The following KIF26B variants were observed in gnomAD, a reference collection of about 807,000 sequenced individuals.
KIF26B encodes the protein kinesin family member 26B.
A neutral mutation model predicts 151.2 loss-of-function variants in KIF26B; 63 were observed. The ratio of observed to expected loss-of-function variants is 0.42; its 90% CI spans 0.34 to 0.51. KIF26B has a LOEUF of 0.51. Ranked by LOEUF, KIF26B falls within the 20% of genes least tolerant of loss-of-function variation. KIF26B has a pLI of 0.07. For missense variants in KIF26B, 2,813 were observed against 2,913.6 expected (o/e 0.97, Z 0.79); for synonymous variants, 1,357 against 1,262.1 (o/e 1.08, Z -1.59).
intron 9 of KIF26B, among the ~76,000 whole-genome samples, chr1:245,624,212 C>T (rs1263692089): frequency 1.3e-5 from 2 of 150,590 alleles, no homozygotes; most frequent in African/African-American, 4.9e-5. Context: ...TATATATGGA[C>T]ATATATTTTC....
In KIF26B at chr1:245,612,099, T is replaced by TGAGAGAGA. The variant is rs1256677244; in HGVS notation, c.2098+124_2098+125insAGAGAGAG. The stretch of plus-strand genomic sequence containing the variant: ...GTGTGTGTGTGTGTGTGTGTGTGTG[T>TGAGAGAGA]GTGTGTGAGAGAGAGAGAGAGAGAG... On this transcript the variant is annotated intron_variant, in intron 9 of 14. Coordinates refer to ENST00000407071, the MANE Select transcript of KIF26B (RefSeq NM_018012.4). 39 of 589,532 alleles carry TGAGAGAGA rather than the reference T, an allele frequency of 6.6e-5. No individual in the cohort carries two copies. In the East Asian group the frequency reaches 8.4e-4, roughly 13 times the overall value. 36.5% of individuals were successfully genotyped at this position (589,532 alleles called of 1,614,324 possible). A position where few individuals can be genotyped will look rare whatever the true frequency, so the allele number is the denominator to read the frequency against.
chr1:245,424,628 G>A (rs1658577243), intron 4 of KIF26B, among the ~76,000 whole-genome samples: 1 of 152,188 alleles, frequency 6.6e-6, no homozygotes, highest in Admixed American at 6.5e-5. Flanking sequence ...GGTCTGTGCT[G>A]GTCCACACAC....
intron 9 of KIF26B, among the ~76,000 whole-genome samples, chr1:245,645,250 C>T (rs1401743109): frequency 5.3e-5 from 8 of 152,016 alleles, no homozygotes; most frequent in African/African-American, 9.7e-5. Context: ...TGGGGGTGGA[C>T]GACACATCTC....
intron 2 of KIF26B, among the ~76,000 whole-genome samples, chr1:245,310,739 C>G (rs1442499406): frequency 6.6e-6 from 1 of 152,138 alleles, no homozygotes; most frequent in Non-Finnish European, 1.5e-5. Flanking sequence ...GCAGCAGCAA[C>G]GCGGGACGAT....
Position 245,687,738 on chromosome 1 carries a change from G to T in KIF26B, c.4755G>T (p.Lys1585Asn). 1 of 1,578,114 alleles carries T rather than the reference G, an allele frequency of 6.3e-7. No individual in the cohort carries two copies. Among genetic ancestry groups the T allele is most frequent in the African/African-American group, 1.4e-5 (1 of 73,978 alleles). Reference sequence around the variant, plus strand: ...TGGAGGGGAAGGTGGCTTCCCCCAAGCACTGTGTTCTGGCTCGGCCCAAAG... The same window carrying T: ...TGGAGGGGAAGGTGGCTTCCCCCAATCACTGTGTTCTGGCTCGGCCCAAAG... ...ATLEGKVASP[K>N]HCVLARPKGT... The change falls in exon 12 of 15, where the codon AAG becomes AAT. Residue 1585 changes from lysine (K) to asparagine (N), a missense_variant. Physicochemically the swap from Lys to Asn is moderately conservative, Grantham distance 94. Around this residue, in one of 3 missense-constraint regions of KIF26B, gnomAD observed 2,060 missense variants for 2,088.6 expected, o/e 0.99. Transcript: ENST00000407071. This position sits in a 1 kb window ranked among gnomAD's most constrained non-coding sequence, Gnocchi z 4.9.
chr1:245,204,423 G>T (rs1669359704), intron 2 of KIF26B, among the ~76,000 whole-genome samples: 1 of 151,672 alleles, frequency 6.6e-6, no homozygotes, highest in African/African-American at 2.4e-5. Flanking sequence ...ACCCAGGCTG[G>T]CATGCAGTGG....
intron 5 of KIF26B, among the ~76,000 whole-genome samples, chr1:245,562,293 C>T (rs1337742497): frequency 6.6e-6 from 1 of 152,046 alleles, no homozygotes; most frequent in East Asian, 1.9e-4. Context: ...GACAGGCAGA[C>T]TCTTCAAAAA....
At chr1:245,280,599 T>A (rs866493774) in intron 2 of KIF26B, among the ~76,000 whole-genome samples, 1 of 103,546 alleles carries the variant, frequency 9.7e-6, no homozygotes, top group Non-Finnish European at 1.9e-5. Context: ...AAGTTTTCGT[T>A]TTTTTTTTTT....
intron 4 of KIF26B, among the ~76,000 whole-genome samples, chr1:245,428,282 T>C (rs1181237635): frequency 1.3e-5 from 2 of 152,200 alleles, no homozygotes; most frequent in Non-Finnish European, 2.9e-5. Flanking sequence ...TTAGGAATCA[T>C]AGTTCTATGA....
At chr1:245,632,956 T>G (rs1359699024) in intron 9 of KIF26B, among the ~76,000 whole-genome samples, 1 of 152,192 alleles carries the variant, frequency 6.6e-6, no homozygotes, top group African/African-American at 2.4e-5. Flanking sequence ...CAACTATTAC[T>G]GCATTGGGGT....
chr1:245,586,840 T>C (rs1259178957), intron 5 of KIF26B, among the ~76,000 whole-genome samples: 2 of 148,800 alleles, frequency 1.3e-5, no homozygotes, highest in African/African-American at 5.0e-5. Context: ...GAGCCGAGAT[T>C]GCGCCACTGC....
Position 245,606,612 on chromosome 1 carries a change from T to C in KIF26B, c.1558-1039T>C, listed in dbSNP as rs114632997. Among the ~76,000 whole-genome samples, 572 of 152,272 alleles carry C rather than the reference T, an allele frequency of 3.8e-3. No individual in the cohort carries two copies. The highest frequency in any genetic ancestry group is 0.013 in the African/African-American group (527 of 41,552). ...GGGTGTTCAGGGGAAATACAAAACA[T>C]CATCGAGAGCCTGGTCCCTGTCTAG... On this transcript the variant is annotated intron_variant, in intron 6 of 14. Transcript: ENST00000407071. This position sits in a 1 kb window ranked among gnomAD's most constrained non-coding sequence, Gnocchi z 4.6.
At chr1:245,534,174 T>A (rs1661439084) in intron 4 of KIF26B, among the ~76,000 whole-genome samples, 3 of 151,746 alleles carry the variant, frequency 2.0e-5, no homozygotes, top group Non-Finnish European at 4.4e-5. Flanking sequence ...TTTTTTTTTT[T>A]ATTTCTGAGA....
At chr1:245,425,067 C>CTT (rs35423492) in intron 4 of KIF26B, among the ~76,000 whole-genome samples, 3 of 131,304 alleles carry the variant, frequency 2.3e-5, no homozygotes, top group Non-Finnish European at 4.9e-5. Flanking sequence ...AAACGAGGGC[C>CTT]TTTTTTTTTT....
intron 3 of KIF26B, among the ~76,000 whole-genome samples, chr1:245,416,112 C>CAAA (rs375247191): frequency 5.8e-4 from 73 of 124,846 alleles, no homozygotes; most frequent in Non-Finnish European, 8.8e-4. Flanking sequence ...AGTAAAAATA[C>CAAA]AAAAAAAAAA....
At chr1:245,403,633 G>A (rs1361934299) in intron 3 of KIF26B, among the ~76,000 whole-genome samples, 1 of 152,148 alleles carries the variant, frequency 6.6e-6, no homozygotes, top group East Asian at 1.9e-4. Flanking sequence ...GTGTCCACGT[G>A]TGTGTGTTTC....
chr1:245,284,574 AC>A lies in KIF26B; in HGVS notation c.466-82257del, dbSNP rs2102969938. ...GTGGGGCAGGTTTTTGTTTGAGTAA[AC>A]CCACTGAGTGTGTTGACCTTTGGGG... On this transcript the variant is annotated intron_variant, in intron 2 of 14. Transcript: ENST00000407071. 2.0e-5 allele frequency among the ~76,000 whole-genome samples: 3 copies of A among 152,200 alleles called. 1 individual carries two copies. The South Asian group carries it at 6.2e-4, about 32-fold the overall frequency.
chr1:245,611,986 C>A lies in KIF26B; in HGVS notation c.2098+10C>A. The A allele has an allele frequency of 6.2e-7, 1 of 1,609,088 alleles. No homozygotes were observed. Among genetic ancestry groups the A allele is most frequent in the Non-Finnish European group, 8.5e-7 (1 of 1,176,444 alleles). On this transcript the variant is annotated intron_variant, in intron 9 of 14. Coordinates refer to ENST00000407071, the MANE Select transcript of KIF26B (RefSeq NM_018012.4). The stretch of plus-strand genomic sequence containing the variant: ...AGCGGGAAAGGGGGAAGTAAGTCGG[C>A]CACTCCACCCTCCTGCCTCCTTAGC...
intron 4 of KIF26B, among the ~76,000 whole-genome samples, chr1:245,526,265 G>A (rs1661233481): frequency 1.3e-5 from 2 of 152,238 alleles, no homozygotes; most frequent in South Asian, 4.1e-4. Context: ...TCCAGCCCAG[G>A]TAACCTGACG....
Sources: gnomAD v4.1 joint callset for allele counts (sites outside exome capture counted in the v4.1 genomes callset) on GRCh38, gnomAD v4.1.1 for gene constraint, gnomAD v4.1.1 regional missense constraint, Gnocchi (gnomAD v3.1) non-coding constraint, MANE v1.5 for transcripts, NCBI Gene and HGNC (gene_info 2026-07-23, HGNC 2026-07-21) for gene names.